The following ALK variants were observed in gnomAD, a reference collection of about 807,000 sequenced individuals.
ALK encodes ALK tyrosine kinase receptor.
ALK carries 74 observed loss-of-function variants against 163.1 expected under a neutral mutation model. That is an observed-to-expected ratio of 0.45 (90% CI 0.38 to 0.55). ALK has a LOEUF of 0.55. Ranked by LOEUF, ALK falls within the 20% of genes least tolerant of loss-of-function variation. The pLI is 0.00. For synonymous variants in ALK, 960 were observed against 843.2 expected (o/e 1.14, Z -2.40); for missense variants, 2,063 against 2,105.3 (o/e 0.98, Z 0.39).
chr2:29,596,568 G>A (rs1378657722), intron 3 of ALK, among the ~76,000 whole-genome samples: 1 of 152,218 alleles, frequency 6.6e-6, no homozygotes, highest in African/African-American at 2.4e-5. Context: ...GCAGGTAGGG[G>A]TGTGTGGAGA....
At chr2:29,909,075 G>A (rs1667628566) in intron 1 of ALK, among the ~76,000 whole-genome samples, 2 of 152,068 alleles carry the variant, frequency 1.3e-5, no homozygotes. Context: ...GATCTATATG[G>A]TATCTCAGGA....
chr2:29,689,049 G>C (rs908888192), intron 3 of ALK, among the ~76,000 whole-genome samples: 3 of 152,146 alleles, frequency 2.0e-5, no homozygotes, highest in Non-Finnish European at 4.4e-5. Context: ...CTGACAGCCT[G>C]TCCTCATCTA....
chr2:29,752,706 G>C (rs1400760565), intron 1 of ALK, among the ~76,000 whole-genome samples: 2 of 152,128 alleles, frequency 1.3e-5, no homozygotes, highest in Non-Finnish European at 2.9e-5. Flanking sequence ...ATGCTAGCTC[G>C]AGGAGCTTCT....
intron 3 of ALK, among the ~76,000 whole-genome samples, chr2:29,594,491 C>A (rs1342348287): frequency 6.8e-6 from 1 of 147,102 alleles, no homozygotes; most frequent in African/African-American, 2.5e-5. Flanking sequence ...TGTAGTGGCA[C>A]AATCTCGGCT....
Position 29,920,472 on chromosome 2 carries a change from A to G in ALK, c.188T>C (p.Leu63Pro). Residue 63 changes from leucine (L) to proline (P), a missense_variant, in exon 1 of 29, where the codon CTC becomes CCC. Leu to Pro is a moderately conservative substitution (Grantham distance 98, BLOSUM62 -3). Transcript: ENST00000389048. Reference protein sequence around the residue: ...SLAVDFVVPSLFRVYARDLLL... With the variant: ...SLAVDFVVPSPFRVYARDLLL... The stretch of plus-strand genomic sequence containing the variant: ...TAGGTCCCGGGCGTAGACACGGAAG[A>G]GCGAGGGCACCACGAAGTCAACTGC... The G allele has an allele frequency of 6.2e-7, 1 of 1,612,990 alleles. No homozygotes were observed. Among genetic ancestry groups the G allele is most frequent in the Non-Finnish European group, 8.5e-7 (1 of 1,179,628 alleles).
intron 5 of ALK, among the ~76,000 whole-genome samples, chr2:29,342,683 G>T (rs1010097066): frequency 6.6e-6 from 1 of 152,096 alleles, no homozygotes; most frequent in Non-Finnish European, 1.5e-5. Flanking sequence ...AGTCAGTGTG[G>T]CCTACTGAGA....
intron 1 of ALK, among the ~76,000 whole-genome samples, chr2:29,787,881 G>A (rs1034369138): frequency 1.3e-4 from 20 of 152,192 alleles, no homozygotes; most frequent in Admixed American, 4.6e-4. Flanking sequence ...ATTCTTCTGT[G>A]AACATGAATT....
intron 5 of ALK, among the ~76,000 whole-genome samples, chr2:29,329,463 G>A (rs1667374884): frequency 6.6e-6 from 1 of 152,194 alleles, no homozygotes; most frequent in Admixed American, 6.5e-5. Flanking sequence ...TGAGCAGGTA[G>A]GGCTCACCTG....
intron 4 of ALK, among the ~76,000 whole-genome samples, chr2:29,401,667 C>G (rs541389818): frequency 6.6e-6 from 1 of 152,130 alleles, no homozygotes; most frequent in Non-Finnish European, 1.5e-5. Flanking sequence ...CACATCAGAC[C>G]TAGTACCTTC....
chr2:29,445,894 T>G (rs1238581489), intron 4 of ALK, among the ~76,000 whole-genome samples: 2 of 149,606 alleles, frequency 1.3e-5, no homozygotes, highest in Non-Finnish European at 3.0e-5. Flanking sequence ...GGTCAGGAGA[T>G]CGAGACCATC....
At chr2:29,247,097 C>T (rs1330904829) in intron 12 of ALK, among the ~76,000 whole-genome samples, 4 of 152,230 alleles carry the variant, frequency 2.6e-5, no homozygotes, top group Admixed American at 1.3e-4. Flanking sequence ...TTCACAAGCT[C>T]AGCTGAGTGC....
At chr2:29,354,680 A>G (rs1668199996) in intron 5 of ALK, among the ~76,000 whole-genome samples, 1 of 152,090 alleles carries the variant, frequency 6.6e-6, no homozygotes, top group African/African-American at 2.4e-5. Context: ...GAGGAGCAAG[A>G]TGAAGAGCTG....
chr2:29,579,002 CA>C (rs1439014778), intron 3 of ALK, among the ~76,000 whole-genome samples: 2 of 152,192 alleles, frequency 1.3e-5, no homozygotes, highest in Non-Finnish European at 2.9e-5. Context: ...GCAATGTCAG[CA>C]GGAGAATGCA....
intron 1 of ALK, among the ~76,000 whole-genome samples, chr2:29,865,848 G>T (rs201954040): frequency 6.6e-6 from 1 of 152,092 alleles, no homozygotes; most frequent in Admixed American, 6.6e-5. Flanking sequence ...GGCTTTTATT[G>T]TCCAAAATCA....
At position 29,226,851 on chromosome 2, in the gene ALK, A is replaced by T. The variant is rs1664010761; in HGVS notation, c.3067+71T>A. 11 of 1,593,926 alleles carry T rather than the reference A, an allele frequency of 6.9e-6. 2 individuals carry two copies. The South Asian group carries it at 8.8e-5, about 13-fold the overall frequency. On this transcript the variant is annotated intron_variant, in intron 18 of 28. Coordinates refer to ENST00000389048, the MANE Select transcript of ALK (RefSeq NM_004304.5). The stretch of plus-strand genomic sequence containing the variant: ...GAATCCAGGGTGTTCTGGAACCCAG[A>T]AACCATTTGTGGTCATGGGCCAAAT...
chr2:29,545,762 C>A (rs933056864), intron 3 of ALK, among the ~76,000 whole-genome samples: 2 of 152,100 alleles, frequency 1.3e-5, no homozygotes. Flanking sequence ...AAATGGTATT[C>A]GTTTTTGAGA....
In ALK at chr2:29,557,129, T is replaced by C. The variant is rs143315101; in HGVS notation, c.953-25013A>G. 2.5e-4 allele frequency among the ~76,000 whole-genome samples: 38 copies of C among 152,216 alleles called. No homozygotes were observed. The East Asian group carries it at 5.6e-3, about 22-fold the overall frequency. On this transcript the variant is annotated intron_variant, in intron 3 of 28. Transcript: ENST00000389048. ...TGTGTAGGTTCTGAACAGGCAGATG[T>C]TCACTGACTGACTGATAGATGAAAA...
chr2:29,663,133 A>C (rs1221415476), intron 3 of ALK, among the ~76,000 whole-genome samples: 1 of 152,176 alleles, frequency 6.6e-6, no homozygotes, highest in Non-Finnish European at 1.5e-5. Context: ...TTAAAGGGCA[A>C]TTCATAAATC....
rs1049691671 is a variant in ALK at position 29,727,859 on chromosome 2, G to T, written c.668-10162C>A. 5.3e-5 allele frequency among the ~76,000 whole-genome samples: 8 copies of T among 152,270 alleles called. No individual in the cohort carries two copies. The South Asian group carries it at 8.3e-4, about 16-fold the overall frequency. ...TTGGCCTCATGCAGAGACTCAGAGTGGGGGAGCTGGGAGGGGCCATGAAGA... is the reference window on the plus strand; with the variant it reads ...TTGGCCTCATGCAGAGACTCAGAGTTGGGGAGCTGGGAGGGGCCATGAAGA... On this transcript the variant is annotated intron_variant, in intron 1 of 28. Transcript: ENST00000389048.
Sources: gnomAD v4.1 joint callset for allele counts (sites outside exome capture counted in the v4.1 genomes callset) on GRCh38, gnomAD v4.1.1 for gene constraint, MANE v1.5 for transcripts, NCBI Gene and HGNC (gene_info 2026-07-23, HGNC 2026-07-21) for gene names.